Variants in RUFY3 observed in about 807,000 individuals in gnomAD.
The protein encoded by RUFY3 is RUN and FYVE domain containing 3.
Under a neutral mutation model 84.0 loss-of-function variants are expected in RUFY3, and 34 were observed. The observed-to-expected ratio is 0.40, with a 90% CI of 0.31 to 0.54. RUFY3 has a LOEUF of 0.54. Among genes scored for constraint, RUFY3 ranks in the 20% least tolerant of loss-of-function variants. The pLI is 0.39. For missense variants in RUFY3, 507 were observed against 736.8 expected, an observed-to-expected ratio of 0.69 and a Z score of 3.61; for synonymous variants, 242 against 252.9, an observed-to-expected ratio of 0.96 and a Z score of 0.41.
chr4:70,766,674 A>C (rs1327168723), intron 4 of RUFY3, among the ~76,000 whole-genome samples: 1 of 152,208 alleles, frequency 6.6e-6, no homozygotes, highest in African/African-American at 2.4e-5. Flanking sequence ...CCTCATTATC[A>C]ACATCCCACA....
intron 1 of RUFY3, among the ~76,000 whole-genome samples, chr4:70,711,368 A>G (rs1178428094): frequency 6.6e-6 from 1 of 152,222 alleles, no homozygotes; most frequent in Non-Finnish European, 1.5e-5. Flanking sequence ...AGGCTGGAAC[A>G]TATGAGGGAA....
At chr4:70,769,311 C>G (rs1183229450) in intron 5 of RUFY3, among the ~76,000 whole-genome samples, 2 of 151,958 alleles carry the variant, frequency 1.3e-5, no homozygotes, top group Non-Finnish European at 2.9e-5. Context: ...CAGTGAGACC[C>G]TGTCTCAAAA....
Position 70,722,016 on chromosome 4 carries a change from T to C in RUFY3, c.-558T>C, listed in dbSNP as rs1742359949. 4.1e-6 allele frequency: 5 copies of C among 1,232,068 alleles called. No individual in the cohort carries two copies. In the South Asian group the frequency reaches 1.6e-4, roughly 41 times the overall value. 76.3% of individuals were successfully genotyped at this position (1,232,068 alleles called of 1,614,324 possible). Reference sequence around the variant, plus strand: ...CACCCTGCTTACTGCGCACGGCCAATCCTATGAGAACTCAGCATCCCAGCT... The same window carrying C: ...CACCCTGCTTACTGCGCACGGCCAACCCTATGAGAACTCAGCATCCCAGCT... On this transcript the variant is annotated 5_prime_UTR_variant, in exon 1 of 18. Transcript: ENST00000381006.
At chr4:70,788,564 C>A (rs1381773835) in intron 10 of RUFY3, among the ~76,000 whole-genome samples, 1 of 152,126 alleles carries the variant, frequency 6.6e-6, no homozygotes, top group Non-Finnish European at 1.5e-5. Flanking sequence ...ATAACACTAT[C>A]TTTGGCTTAG....
Position 70,783,564 on chromosome 4 carries a change from A to G in RUFY3, c.987+381A>G, listed in dbSNP as rs1226442668. Reference sequence around the variant, plus strand: ...TATATCACTGGGAAAGAGCTACCATATAAATGTATTTTCTACATAACTTAA... The same window carrying G: ...TATATCACTGGGAAAGAGCTACCATGTAAATGTATTTTCTACATAACTTAA... On this transcript the variant is annotated intron_variant, in intron 9 of 17. Coordinates refer to ENST00000381006, the MANE Select transcript of RUFY3 (RefSeq NM_001037442.4). 2.0e-5 allele frequency among the ~76,000 whole-genome samples: 3 copies of G among 152,366 alleles called. No individual in the cohort carries two copies. In the East Asian group the frequency reaches 5.8e-4, roughly 29 times the overall value.
At chr4:70,757,840 T>C (rs1053156397) in intron 1 of RUFY3, among the ~76,000 whole-genome samples, 13 of 152,182 alleles carry the variant, frequency 8.5e-5, no homozygotes, top group African/African-American at 3.1e-4. Context: ...ACATAGTAGA[T>C]GTTCAATATG....
rs779388140 is a variant in RUFY3, at chr4:70,767,259, A to ATT, written c.573-1250_573-1249dup. ...TGCCACCATGCCCGGCTAATTTTGT[A>ATT]TTTTTTTTTTTTTTTTTTTTTTTTT... On this transcript the variant is annotated intron_variant, in intron 4 of 17. Transcript: ENST00000381006. 2.7e-3 allele frequency among the ~76,000 whole-genome samples: 133 copies of ATT among 49,682 alleles called. 14 individuals are homozygous for ATT. The highest frequency in any genetic ancestry group is 3.8e-3 in the Non-Finnish European group (88 of 23,420). The allele number at this position is 49,682 out of a possible 152,430, so 32.6% of individuals were successfully genotyped here.
At chr4:70,797,692 A>G (rs1731703697) in intron 14 of RUFY3, among the ~76,000 whole-genome samples, 1 of 151,904 alleles carries the variant, frequency 6.6e-6, no homozygotes, top group Non-Finnish European at 1.5e-5. Flanking sequence ...AAAATACAAA[A>G]ATAAGCCGGG....
At chr4:70,746,579 G>A (rs960002014) in intron 1 of RUFY3, among the ~76,000 whole-genome samples, 2 of 150,830 alleles carry the variant, frequency 1.3e-5, no homozygotes, top group African/African-American at 4.9e-5. Context: ...TTTTTCCTTA[G>A]TATATTCCAA....
chr4:70,792,772 T>G (rs1731018731), intron 12 of RUFY3: 3 of 985,308 alleles, frequency 3.0e-6, no homozygotes, highest in Non-Finnish European at 3.6e-6. Flanking sequence ...CAGATTGGAC[T>G]TGAACCAAAA....
Position 70,800,186 on chromosome 4 carries a change from C to A in RUFY3, c.1603C>A (p.Pro535Thr). The A allele has an allele frequency of 6.2e-7, 1 of 1,605,236 alleles. No individual in the cohort carries two copies. The highest frequency in any genetic ancestry group is 8.5e-7 in the Non-Finnish European group (1 of 1,177,620). ...AGAGGAAAATGTTAAACTAAAAAAG[C>A]CCCTGGAAGAAAGCCACAGGTGTTT... ...MQEENVKLKK[P>T]LEESHRLQPH... Residue 535 changes from proline to threonine, a missense_variant, in exon 15 of 18, where the codon CCC (proline) becomes ACC (threonine). By Grantham distance (38) the Pro-to-Thr change is conservative. Transcript: ENST00000381006.
chr4:70,752,061 G>A (rs747958220), intron 1 of RUFY3, among the ~76,000 whole-genome samples: 5 of 152,268 alleles, frequency 3.3e-5, no homozygotes, highest in African/African-American at 9.6e-5. Context: ...GATTACAGAC[G>A]TGAGATACCG....
chr4:70,790,353 G>A (rs1233375313), intron 12 of RUFY3, among the ~76,000 whole-genome samples: 1 of 152,194 alleles, frequency 6.6e-6, no homozygotes, highest in Non-Finnish European at 1.5e-5. Context: ...GTCATTTGAT[G>A]TTTCTACCCT....
chr4:70,758,040 A>T (rs971737146), intron 1 of RUFY3, among the ~76,000 whole-genome samples: 7 of 152,144 alleles, frequency 4.6e-5, no homozygotes, highest in Non-Finnish European at 1.5e-5. Context: ...TTTTTACTTT[A>T]TATAGTTAAA....
chr4:70,732,408 A>C lies in RUFY3; in HGVS notation c.178+9657A>C, dbSNP rs995664370. On this transcript the variant is annotated intron_variant, in intron 1 of 17. Transcript: ENST00000381006. ...CAGTGATTCCCTATTACTCCATAAA[A>C]TCATTTTAAAAGAAAGGATTTGCAT... 2.0e-5 allele frequency among the ~76,000 whole-genome samples: 3 copies of C among 152,178 alleles called. No individual in the cohort carries two copies. The South Asian group carries it at 6.2e-4, about 32-fold the overall frequency.
In RUFY3 at chr4:70,806,747, C is replaced by A; in HGVS notation, c.*88C>A. The A allele has an allele frequency of 1.3e-6, 2 of 1,484,106 alleles. No individual in the cohort carries two copies. Among genetic ancestry groups the A allele is most frequent in the South Asian group, 1.3e-5 (1 of 79,152 alleles). The allele number at this position is 1,484,106 out of a possible 1,614,324, so 91.9% of individuals were successfully genotyped here. On this transcript the variant is annotated 3_prime_UTR_variant, in exon 18 of 18. Coordinates refer to ENST00000381006, the MANE Select transcript of RUFY3 (RefSeq NM_001037442.4). Reference sequence around the variant, plus strand: ...TGTCAGGATCTCATAGAGCCCAGTTCTTAGAGTCAACTAAAGAGTTGATAG... The same window carrying A: ...TGTCAGGATCTCATAGAGCCCAGTTATTAGAGTCAACTAAAGAGTTGATAG...
intron 1 of RUFY3, among the ~76,000 whole-genome samples, chr4:70,716,293 G>A (rs574418323): frequency 7.6e-4 from 116 of 151,880 alleles, no homozygotes; most frequent in Non-Finnish European, 1.5e-3. Flanking sequence ...TTACAGGCAC[G>A]TACCACATTG....
At chr4:70,804,122 ATT>A (rs1202985365) in intron 16 of RUFY3, among the ~76,000 whole-genome samples, 1 of 152,032 alleles carries the variant, frequency 6.6e-6, no homozygotes, top group African/African-American at 2.4e-5. Flanking sequence ...ATGTGTTTGA[ATT>A]TTCTTTTTAG....
rs979506395 is a variant in RUFY3, at chr4:70,789,701, G to A, written c.1337+109G>A. 4 of 1,397,882 alleles carry A rather than the reference G, an allele frequency of 2.9e-6. No homozygotes were observed. In the African/African-American group the frequency reaches 4.4e-5, roughly 15 times the overall value. The allele number at this position is 1,397,882 out of a possible 1,614,324, so 86.6% of individuals were successfully genotyped here. A position where few individuals can be genotyped will look rare whatever the true frequency, so the allele number is the denominator to read the frequency against. ...AAATACATGAAATTCTTCCAAATTA[G>A]CATCAGACATTCTGGTAGAAAAAAG... On this transcript the variant is annotated intron_variant, in intron 12 of 17. Transcript: ENST00000381006.
Sources: allele counts gnomAD v4.1 joint callset (sites outside exome capture counted in the v4.1 genomes callset), GRCh38; gene constraint gnomAD v4.1.1; transcripts MANE v1.5; gene names NCBI Gene and HGNC (gene_info 2026-07-23, HGNC 2026-07-21).